The following ATE1 variants were observed in gnomAD, a reference collection of about 807,000 sequenced individuals.
The protein encoded by ATE1 is arginyl-tRNA--protein transferase 1.
In ATE1, 36 loss-of-function variants were observed where a neutral mutation model predicts 70.5. That is an observed-to-expected ratio of 0.51 (90% CI 0.39 to 0.67). The LOEUF is 0.67. Among genes scored for constraint, ATE1 ranks in the 30% least tolerant of loss-of-function variants. The pLI is 0.00. For missense variants in ATE1, 593 were observed against 629.5 expected (o/e 0.94, Z 0.62); for synonymous variants, 232 against 219.3 (o/e 1.06, Z -0.51).
chr10:121,855,799 G>C (rs923308035), intron 8 of ATE1, among the ~76,000 whole-genome samples: 10 of 152,152 alleles, frequency 6.6e-5, no homozygotes, highest in African/African-American at 2.2e-4. Context: ...TATAGGCCAG[G>C]TGTGGTGGCT....
At chr10:121,858,670 A>AATATATATTTTATAC (rs1301159614) in intron 8 of ATE1, among the ~76,000 whole-genome samples, 1 of 136,664 alleles carries the variant, frequency 7.3e-6, no homozygotes, top group Non-Finnish European at 1.5e-5. Flanking sequence ...ATATATATAT[A>AATATATATTTTATAC]ATATATATAT....
At chr10:121,887,519 C>A (rs1448666919) in intron 7 of ATE1, among the ~76,000 whole-genome samples, 1 of 134,754 alleles carries the variant, frequency 7.4e-6, no homozygotes, top group Non-Finnish European at 1.6e-5. Context: ...GCCTGGACAA[C>A]ACAGCAAGAC....
In ATE1 at chr10:121,924,345, G is replaced by C. The variant is rs773759801; in HGVS notation, c.107-16C>G. On this transcript the variant is annotated splice_polypyrimidine_tract_variant and intron_variant, in intron 1 of 11. Coordinates refer to ENST00000224652, the MANE Select transcript of ATE1 (RefSeq NM_001001976.3). ...GCCCACATGCCTGAAAAAATAAGTAGTGTGTTAATTACGGCAGGGTAACCT... is the reference window on the plus strand; with the variant it reads ...GCCCACATGCCTGAAAAAATAAGTACTGTGTTAATTACGGCAGGGTAACCT... The C allele has an allele frequency of 6.2e-7, 1 of 1,610,338 alleles. No individual in the cohort carries two copies. Among genetic ancestry groups the C allele is most frequent in the Non-Finnish European group, 8.5e-7 (1 of 1,176,628 alleles).
At chr10:121,917,714 A>C (rs1304124683) in intron 3 of ATE1, among the ~76,000 whole-genome samples, 1 of 152,186 alleles carries the variant, frequency 6.6e-6, no homozygotes, top group Non-Finnish European at 1.5e-5. Flanking sequence ...AACCAAAAGA[A>C]TTAGTTAAAA....
chr10:121,782,803 G>T (rs1946050343), intron 11 of ATE1: 1 of 152,182 alleles, frequency 6.6e-6, no homozygotes, highest in Non-Finnish European at 1.5e-5. Flanking sequence ...TAGAATATAA[G>T]CAGGCAGAAA....
rs113531884 is a variant in ATE1 at position 121,790,962 on chromosome 10, A to G, written c.1258-673T>C. Among the ~76,000 whole-genome samples the G allele has an allele frequency of 8.9e-4, 134 of 150,966 alleles. 1 individual carries two copies. Among genetic ancestry groups the G allele is most frequent in the Middle Eastern group, 3.4e-3 (1 of 290 alleles). Reference sequence around the variant, plus strand: ...TGTACATATATATGTGTATATATATATGTGTGTGTACATATATGTGTGTAT... The same window carrying G: ...TGTACATATATATGTGTATATATATGTGTGTGTGTACATATATGTGTGTAT... On this transcript the variant is annotated intron_variant, in intron 10 of 11. Coordinates refer to ENST00000224652, the MANE Select transcript of ATE1 (RefSeq NM_001001976.3).
At chr10:121,859,102 A>C (rs115645868) in intron 8 of ATE1, among the ~76,000 whole-genome samples, 2,419 of 152,260 alleles carry the variant, frequency 0.016, 57 homozygotes, top group African/African-American at 0.056. Flanking sequence ...TCTCCAAAAA[A>C]AAGAAAGAAA....
chr10:121,762,249 C>T (rs1564816454), intron 11 of ATE1, among the ~76,000 whole-genome samples: 1 of 152,158 alleles, frequency 6.6e-6, no homozygotes, highest in Non-Finnish European at 1.5e-5. Flanking sequence ...CCCTTCTTTA[C>T]CTATTAAATG....
intron 4 of ATE1, among the ~76,000 whole-genome samples, chr10:121,912,587 G>A (rs1298653116): frequency 2.0e-5 from 3 of 151,778 alleles, no homozygotes; most frequent in African/African-American, 7.2e-5. Context: ...GGGAGGTGGA[G>A]GTTGCAGTGA....
At chr10:121,876,104 T>C (rs987831416) in intron 7 of ATE1, among the ~76,000 whole-genome samples, 3 of 152,116 alleles carry the variant, frequency 2.0e-5, no homozygotes, top group Non-Finnish European at 2.9e-5. Flanking sequence ...GCCCTTTTTT[T>C]CCCCCATTTA....
In ATE1 at chr10:121,927,219, G is replaced by C. The variant is rs952644548; in HGVS notation, c.106+625C>G. ...TGTGGGCTGGCTTTGCTGTCGTCCG[G>C]GTGGGTGGAGGAAAGACACGGCATA... On this transcript the variant is annotated intron_variant, in intron 1 of 11. Transcript: ENST00000224652. 20 of 985,268 alleles carry C rather than the reference G, an allele frequency of 2.0e-5. No individual in the cohort carries two copies. The African/African-American group carries it at 3.3e-4, about 16-fold the overall frequency. The allele number at this position is 985,268 out of a possible 1,614,324, so 61.0% of individuals were successfully genotyped here.
intron 10 of ATE1, among the ~76,000 whole-genome samples, chr10:121,798,722 A>T (rs1946756727): frequency 6.6e-6 from 1 of 150,740 alleles, no homozygotes. Context: ...CAACATGGTG[A>T]AACCCCTTCT....
intron 1 of ATE1, 45 bp downstream of exon 1, chr10:121,927,799 A>G (rs1952161572): frequency 1.3e-6 from 2 of 1,518,138 alleles, no homozygotes; most frequent in Non-Finnish European, 8.8e-7. Context: ...GGATCCCGAG[A>G]CCCGGGCGCC....
chr10:121,753,326 G>C (rs1944664060), intron 11 of ATE1, among the ~76,000 whole-genome samples: 1 of 151,960 alleles, frequency 6.6e-6, no homozygotes, highest in African/African-American at 2.4e-5. Context: ...AACTGGCATG[G>C]CTAAAATATA....
rs1944139272 is a variant in ATE1, at chr10:121,741,295, AC to A, written c.*2384del. ...GGACAAATAGGTGTCCTTTTAAGAC[AC>A]TTTGACTACTTGGATCAATACACTA... is the stretch of plus-strand genomic sequence containing the variant. On this transcript the variant is annotated 3_prime_UTR_variant, in exon 12 of 12. Coordinates refer to ENST00000224652, the MANE Select transcript of ATE1 (RefSeq NM_001001976.3). 6.6e-6 allele frequency: 1 copy of A among 152,186 alleles called. No individual in the cohort carries two copies. The highest frequency in any genetic ancestry group is 1.5e-5 in the Non-Finnish European group (1 of 68,036). 9.4% of individuals were successfully genotyped at this position (152,186 alleles called of 1,614,324 possible).
intron 5 of ATE1, among the ~76,000 whole-genome samples, chr10:121,903,612 A>T (rs1197489606): frequency 2.0e-5 from 3 of 152,020 alleles, no homozygotes; most frequent in Non-Finnish European, 2.9e-5. Flanking sequence ...ACTTGAACCC[A>T]GGAGGCAGAG....
intron 10 of ATE1, among the ~76,000 whole-genome samples, chr10:121,813,255 T>G (rs1323191087): frequency 6.6e-6 from 1 of 152,212 alleles, no homozygotes; most frequent in African/African-American, 2.4e-5. Flanking sequence ...TGTTTTACTC[T>G]CTGTGAAAGA....
At chr10:121,885,003 G>A (rs1436941081) in intron 7 of ATE1, among the ~76,000 whole-genome samples, 1 of 152,160 alleles carries the variant, frequency 6.6e-6, no homozygotes, top group Non-Finnish European at 1.5e-5. Context: ...GCTCATGCCT[G>A]TAATCCCAGC....
intron 3 of ATE1, among the ~76,000 whole-genome samples, chr10:121,914,591 T>C (rs1011508705): frequency 1.3e-5 from 2 of 151,506 alleles, no homozygotes; most frequent in African/African-American, 4.9e-5. Flanking sequence ...GAAATATGAG[T>C]GAAAGTTAGG....
Sources: allele counts gnomAD v4.1 joint callset (sites outside exome capture counted in the v4.1 genomes callset), GRCh38; gene constraint gnomAD v4.1.1; transcripts MANE v1.5; gene names NCBI Gene and HGNC (gene_info 2026-07-23, HGNC 2026-07-21).